Variants in NUP153 observed in about 807,000 individuals in gnomAD.
NUP153 encodes nucleoporin 153.
Under a neutral mutation model 134.6 loss-of-function variants are expected in NUP153, and 27 were observed. The observed-to-expected ratio is 0.20, with a 90% CI of 0.15 to 0.28. The LOEUF is 0.28. Among genes scored for constraint, NUP153 ranks in the 10% least tolerant of loss-of-function variants. The probability of loss-of-function intolerance (pLI) is 1.00; values close to 1 mark genes in which losing one functional copy is unlikely to be tolerated. For missense variants in NUP153, 1,821 were observed against 1,731.3 expected (o/e 1.05, Z -0.92); for synonymous variants, 640 against 623.5 (o/e 1.03, Z -0.40).
chr6:17,668,464 CA>C (rs1012487677), intron 8 of NUP153, among the ~76,000 whole-genome samples: 2 of 149,756 alleles, frequency 1.3e-5, no homozygotes, highest in East Asian at 1.9e-4. Context: ...CTGAATAGCC[CA>C]AAAAAAAATT....
chr6:17,662,051 A>C lies in NUP153; in HGVS notation c.1235T>G (p.Met412Arg). ...NKCSTGYEKNMTPGQNREQRE... is the reference protein window; with the variant it reads ...NKCSTGYEKNRTPGQNREQRE... Reference sequence around the variant, plus strand: ...TTGTTCTCTATTTTGTCCGGGTGTCATATTTTTTTCATATCCAGTCTGCAG... The same window carrying C: ...TTGTTCTCTATTTTGTCCGGGTGTCCTATTTTTTTCATATCCAGTCTGCAG... Residue 412 changes from methionine to arginine, a missense_variant, in exon 10 of 22, where the codon ATG becomes AGG. By Grantham distance (91) the Met-to-Arg change is moderately conservative. Transcript: ENST00000262077. 6.2e-7 allele frequency: 1 copy of C among 1,612,658 alleles called. No homozygotes were observed. The highest frequency in any genetic ancestry group is 8.5e-7 in the Non-Finnish European group (1 of 1,179,240).
intron 1 of NUP153, among the ~76,000 whole-genome samples, chr6:17,695,756 TC>T (rs1387844868): frequency 6.6e-6 from 1 of 152,170 alleles, no homozygotes; most frequent in Non-Finnish European, 1.5e-5. Flanking sequence ...ACGCCTGTAA[TC>T]CCAACACTTT....
intron 11 of NUP153, chr6:17,651,874 G>A (rs569636007): frequency 1.6e-5 from 11 of 676,626 alleles, no homozygotes; most frequent in Non-Finnish European, 2.5e-5. Context: ...TGGGATGATC[G>A]CTTGAGCGCA....
At chr6:17,656,108 G>A (rs1766803087) in intron 11 of NUP153, among the ~76,000 whole-genome samples, 1 of 150,508 alleles carries the variant, frequency 6.6e-6, no homozygotes. Flanking sequence ...AGGAGGCTGA[G>A]GCAGGAGAAT....
intron 16 of NUP153, 37 bp from the exon 17 acceptor site, chr6:17,632,881 T>G (rs1765335185): frequency 6.8e-7 from 1 of 1,470,508 alleles, no homozygotes; most frequent in Non-Finnish European, 9.0e-7. Context: ...TGGGGGGAGA[T>G]TTCATGAAAA....
chr6:17,619,533 G>C lies in NUP153; in HGVS notation c.4175-2838C>G, dbSNP rs185904211. 1.6e-4 allele frequency: 24 copies of C among 152,320 alleles called. No individual in the cohort carries two copies. In the East Asian group the frequency reaches 4.4e-3, roughly 28 times the overall value. 9.4% of individuals were successfully genotyped at this position (152,320 alleles called of 1,614,324 possible). A position where few individuals can be genotyped will look rare whatever the true frequency, so the allele number is the denominator to read the frequency against. On this transcript the variant is annotated intron_variant, in intron 20 of 21. Coordinates refer to ENST00000262077, the MANE Select transcript of NUP153 (RefSeq NM_005124.4). The stretch of plus-strand genomic sequence containing the variant: ...AGACCCTGTGAGAAAAGTTCTTTCA[G>C]TGCTTACTTCAGCAGCACATACCCA...
At chr6:17,686,774 TA>T (rs1234601004) in intron 2 of NUP153, among the ~76,000 whole-genome samples, 1 of 151,818 alleles carries the variant, frequency 6.6e-6, no homozygotes, top group East Asian at 1.9e-4. Flanking sequence ...TGCTTCTAAG[TA>T]CATCAGGTGA....
intron 11 of NUP153, among the ~76,000 whole-genome samples, chr6:17,650,876 T>A (rs1561875560): frequency 6.6e-6 from 1 of 152,170 alleles, no homozygotes; most frequent in Non-Finnish European, 1.5e-5. Context: ...AGACAGGTAG[T>A]AAATCTAACT....
At chr6:17,651,647 G>A (rs1027466842) in intron 11 of NUP153, among the ~76,000 whole-genome samples, 1 of 152,060 alleles carries the variant, frequency 6.6e-6, no homozygotes, top group African/African-American at 2.4e-5. Context: ...CAGTAAGAGT[G>A]GCTGTATTAA....
At chr6:17,703,428 A>C (rs980220174) in intron 1 of NUP153, among the ~76,000 whole-genome samples, 1 of 151,996 alleles carries the variant, frequency 6.6e-6, no homozygotes, top group Non-Finnish European at 1.5e-5. Flanking sequence ...TCTTACTCCA[A>C]CTTTCTGCTA....
At chr6:17,633,032 A>G (rs1265474639) in intron 16 of NUP153, among the ~76,000 whole-genome samples, 188 bp from the exon 17 acceptor site, 3 of 152,034 alleles carry the variant, frequency 2.0e-5, no homozygotes, top group Admixed American at 2.0e-4. Flanking sequence ...AAAAGAATAG[A>G]CCTCTCTTTT....
At chr6:17,639,726 C>A (rs1279578292) in intron 15 of NUP153, among the ~76,000 whole-genome samples, 1 of 152,206 alleles carries the variant, frequency 6.6e-6, no homozygotes, top group African/African-American at 2.4e-5. Context: ...CCTCCTCCTA[C>A]ACTTGCCTAT....
At chr6:17,702,385 G>A (rs186972621) in intron 1 of NUP153, among the ~76,000 whole-genome samples, 1 of 152,302 alleles carries the variant, frequency 6.6e-6, no homozygotes, top group African/African-American at 2.4e-5. Flanking sequence ...CAAGGCACCT[G>A]TAGTCCCAGC....
At chr6:17,694,554 G>C (rs1466322399) in intron 1 of NUP153, among the ~76,000 whole-genome samples, 1 of 152,096 alleles carries the variant, frequency 6.6e-6, no homozygotes, top group Non-Finnish European at 1.5e-5. Flanking sequence ...CTACTCAGGA[G>C]GCTGAGGGGG....
At chr6:17,674,720 C>T (rs1032682147) in intron 5 of NUP153, among the ~76,000 whole-genome samples, 185 bp downstream of exon 5, 10 of 151,738 alleles carry the variant, frequency 6.6e-5, no homozygotes, top group Non-Finnish European at 1.3e-4. Context: ...CAGTGTGGTC[C>T]GAGATTGTGC....
At chr6:17,705,845 T>C (rs1368511538) in intron 1 of NUP153, among the ~76,000 whole-genome samples, 2 of 148,290 alleles carry the variant, frequency 1.3e-5, no homozygotes, top group African/African-American at 5.0e-5. Context: ...CAGCCCCCCC[T>C]CCTCAAACAC....
Position 17,688,608 on chromosome 6 carries a change from C to T in NUP153, c.122G>A (p.Ser41Asn), listed in dbSNP as rs374644758. The T allele has an allele frequency of 1.9e-6, 3 of 1,610,298 alleles. No homozygotes were observed. The highest frequency in any genetic ancestry group is 2.7e-5 in the African/African-American group (2 of 74,874). The change falls in exon 2 of 22, where the codon AGC becomes AAC. Residue 41 changes from serine to asparagine, a missense_variant. Coordinates refer to ENST00000262077, the MANE Select transcript of NUP153 (RefSeq NM_005124.4). The stretch of plus-strand genomic sequence containing the variant: ...ATTCTTAACAGATTCTGTAACCCTG[C>T]TAAGAATGCCCTGTTGAGAGAAAAA... ...QGRQQHQGIL[S>N]RVTESVKNIV...
At position 17,675,967 on chromosome 6, in the gene NUP153, A is replaced by G. The variant is rs1176921393; in HGVS notation, c.335-197T>C. Among the ~76,000 whole-genome samples the G allele has an allele frequency of 6.6e-6, 1 of 152,170 alleles. No homozygotes were observed. Among genetic ancestry groups the G allele is most frequent in the Non-Finnish European group, 1.5e-5 (1 of 68,040 alleles). ...ACTAACTAAAATTAATTTAAATAAGAGCTAATTTTTTTAAACCAGTAAGAG... is the reference window on the plus strand; with the variant it reads ...ACTAACTAAAATTAATTTAAATAAGGGCTAATTTTTTTAAACCAGTAAGAG... On this transcript the variant is annotated intron_variant, in intron 2 of 21. Coordinates refer to ENST00000262077, the MANE Select transcript of NUP153 (RefSeq NM_005124.4). The surrounding 1 kb of genome is among the most constrained non-coding windows in gnomAD (Gnocchi z 4.4).
intron 2 of NUP153, among the ~76,000 whole-genome samples, chr6:17,678,888 A>G (rs13218606): frequency 0.023 from 3,555 of 152,028 alleles, 65 homozygotes; most frequent in Non-Finnish European, 0.028. Flanking sequence ...CAAGGCTGCA[A>G]TGAGCTATGA....
Sources: allele counts gnomAD v4.1 joint callset (sites outside exome capture counted in the v4.1 genomes callset), GRCh38; gene constraint gnomAD v4.1.1; non-coding constraint Gnocchi (gnomAD v3.1); transcripts MANE v1.5; gene names NCBI Gene and HGNC (gene_info 2026-07-23, HGNC 2026-07-21).